ZNF136: variants seen among roughly 807,000 people sequenced by gnomAD.
ZNF136 encodes zinc finger protein 136, also known as zinc finger protein 136 (clone pHZ-20).
A neutral mutation model predicts 11.4 loss-of-function variants in ZNF136; 8 were observed. The observed-to-expected ratio is 0.70, with a 90% CI of 0.41 to 1.27. The LOEUF (loss-of-function observed/expected upper bound fraction) is 1.27, where lower values mean the gene tolerates loss of function less well. Ranked by LOEUF, ZNF136 falls within the 50% of genes most tolerant of loss-of-function variation. The pLI is 0.01. For synonymous variants in ZNF136, 190 were observed against 207.1 expected, an observed-to-expected ratio of 0.92 and a Z score of 0.71; for missense variants, 590 against 656.5, an observed-to-expected ratio of 0.90 and a Z score of 1.11.
At chr19:12,178,937 C>T (rs542588816) in intron 1 of ZNF136, among the ~76,000 whole-genome samples, 10 of 150,598 alleles carry the variant, frequency 6.6e-5, no homozygotes, top group South Asian at 2.1e-4. Context: ...TGCAGTGAGC[C>T]GAGATCATGC....
chr19:12,164,186 C>A (rs1977152408), intron 1 of ZNF136, among the ~76,000 whole-genome samples: 1 of 152,182 alleles, frequency 6.6e-6, no homozygotes. Context: ...GGGCACTCAG[C>A]TTTTCCTCCC....
At chr19:12,173,381 T>C (rs1914708826) in intron 1 of ZNF136, among the ~76,000 whole-genome samples, 1 of 152,178 alleles carries the variant, frequency 6.6e-6, no homozygotes. Context: ...AACGCCATGC[T>C]TTTATCATTC....
intron 1 of ZNF136, among the ~76,000 whole-genome samples, chr19:12,174,171 C>G (rs1408921722): frequency 6.6e-6 from 1 of 152,180 alleles, no homozygotes; most frequent in Non-Finnish European, 1.5e-5. Flanking sequence ...TCCCAAAGTG[C>G]TGAGATTACA....
At position 12,186,190 on chromosome 19, in the gene ZNF136, A is replaced by C. The variant is rs763141218; in HGVS notation, c.191+16A>C. On this transcript the variant is annotated intron_variant, in intron 3 of 3. Coordinates refer to ENST00000343979, the MANE Select transcript of ZNF136 (RefSeq NM_003437.5). ...GAAATCTAAGGTAATTTGTACTCAGAGAAAGCAAATTCACTTGAAAGTACC... is the reference window on the plus strand; with the variant it reads ...GAAATCTAAGGTAATTTGTACTCAGCGAAAGCAAATTCACTTGAAAGTACC... 3.7e-6 allele frequency: 6 copies of C among 1,603,228 alleles called. No homozygotes were observed. The highest frequency in any genetic ancestry group is 1.3e-5 in the African/African-American group (1 of 74,492).
At chr19:12,185,713 A>G in intron 1 of ZNF136, 72 bp from the exon 2 acceptor site, 4 of 1,550,882 alleles carry the variant, frequency 2.6e-6, no homozygotes, top group East Asian at 2.3e-5. Context: ...TGAACTTCTT[A>G]TGAATTGAGT....
Position 12,188,187 on chromosome 19 carries a change from C to T in ZNF136, c.*186C>T. On this transcript the variant is annotated 3_prime_UTR_variant, in exon 4 of 4. Coordinates refer to ENST00000343979, the MANE Select transcript of ZNF136 (RefSeq NM_003437.5). The stretch of plus-strand genomic sequence containing the variant: ...CAATCATTTTAGTTCCTTTCAAATA[C>T]ATGAAAGAACTCATCATGGAGAAAA... The T allele has an allele frequency of 6.6e-6, 3 of 456,184 alleles. No individual in the cohort carries two copies. Among genetic ancestry groups the T allele is most frequent in the Non-Finnish European group, 7.4e-6 (2 of 268,778 alleles). 28.3% of individuals were successfully genotyped at this position (456,184 alleles called of 1,614,324 possible). A position where few individuals can be genotyped will look rare whatever the true frequency, so the allele number is the denominator to read the frequency against.
In ZNF136 at chr19:12,183,569, AT is replaced by A. The variant is rs1419281090; in HGVS notation, c.4-2215del. ...ACTGAATCTATCTATCTATCTATCT[AT>A]CTATCTATCTATCTATCTATCTATC... On this transcript the variant is annotated intron_variant, in intron 1 of 3. Coordinates refer to ENST00000343979, the MANE Select transcript of ZNF136 (RefSeq NM_003437.5). 2.4e-3 allele frequency among the ~76,000 whole-genome samples: 358 copies of A among 151,248 alleles called. 2 individuals are homozygous for A. The highest frequency in any genetic ancestry group is 3.0e-3 in the Non-Finnish European group (205 of 67,804).
At chr19:12,169,271 T>C (rs1022544493) in intron 1 of ZNF136, 1 of 152,172 alleles carries the variant, frequency 6.6e-6, no homozygotes, top group Non-Finnish European at 1.5e-5. Flanking sequence ...TCTCCACATA[T>C]TTGTTGTCAG....
chr19:12,187,149 T>TG lies in ZNF136; in HGVS notation c.774dup (p.Lys259GlufsTer13). ...ATGGACCTTATAAATGTAAGGTATGTGGGAAACCCTTTCATTCTCTGAGTT... is the reference window on the plus strand; with the variant it reads ...ATGGACCTTATAAATGTAAGGTATGTGGGGAAACCCTTTCATTCTCTGAGTT... On this transcript the variant is annotated frameshift_variant, in exon 4 of 4. Coordinates refer to ENST00000343979, the MANE Select transcript of ZNF136 (RefSeq NM_003437.5). LOFTEE classifies it low-confidence loss of function (END_TRUNC). The TG allele has an allele frequency of 6.2e-7, 1 of 1,614,142 alleles. No homozygotes were observed. Among genetic ancestry groups the TG allele is most frequent in the Non-Finnish European group, 8.5e-7 (1 of 1,180,022 alleles).
chr19:12,169,379 A>C (rs1038400364), intron 1 of ZNF136: 2 of 152,220 alleles, frequency 1.3e-5, no homozygotes, highest in African/African-American at 4.8e-5. Context: ...CACACTGAGA[A>C]GGGGACAGTA....
intron 1 of ZNF136, chr19:12,169,325 G>A (rs983350035): frequency 5.3e-5 from 8 of 152,326 alleles, no homozygotes; most frequent in Admixed American, 3.9e-4. Context: ...GACTTGGTGA[G>A]TGGTTGCTGG....
At chr19:12,178,187 T>G (rs1390568826) in intron 1 of ZNF136, among the ~76,000 whole-genome samples, 1 of 152,250 alleles carries the variant, frequency 6.6e-6, no homozygotes, top group Non-Finnish European at 1.5e-5. Flanking sequence ...ATATTTTGGA[T>G]TTTAACACCT....
intron 1 of ZNF136, among the ~76,000 whole-genome samples, chr19:12,180,041 T>C (rs1283206089): frequency 1.3e-5 from 2 of 152,058 alleles, no homozygotes; most frequent in Non-Finnish European, 2.9e-5. Flanking sequence ...AATTTTTTTG[T>C]AATTTTAGTA....
At chr19:12,182,707 G>T (rs190151901) in intron 1 of ZNF136, among the ~76,000 whole-genome samples, 276 of 152,272 alleles carry the variant, frequency 1.8e-3, no homozygotes, top group Non-Finnish European at 3.0e-3. Flanking sequence ...ACCCACCTCT[G>T]CCAGGTTATG....
chr19:12,180,244 C>T lies in ZNF136; in HGVS notation c.4-5541C>T, dbSNP rs1455854463. On this transcript the variant is annotated intron_variant, in intron 1 of 3. Coordinates refer to ENST00000343979, the MANE Select transcript of ZNF136 (RefSeq NM_003437.5). ...TCTAGGAAAGTTGTCAGAATATAAA[C>T]CTAGCAAGGGACAGAGACATGATCA... Among the ~76,000 whole-genome samples, 4 of 152,300 alleles carry T rather than the reference C, an allele frequency of 2.6e-5. No individual in the cohort carries two copies. The Middle Eastern group carries it at 0.01, about 391-fold the overall frequency.
rs149661895 is a variant in ZNF136 at position 12,181,829 on chromosome 19, G to T, written c.4-3956G>T. ...TCTTTGTATTTTTAGTAGAGACAGGGTTTCACCATATTAGCCAGGATGGTT... is the reference window on the plus strand; with the variant it reads ...TCTTTGTATTTTTAGTAGAGACAGGTTTTCACCATATTAGCCAGGATGGTT... On this transcript the variant is annotated intron_variant, in intron 1 of 3. Coordinates refer to ENST00000343979, the MANE Select transcript of ZNF136 (RefSeq NM_003437.5). 2.0e-4 allele frequency among the ~76,000 whole-genome samples: 30 copies of T among 152,204 alleles called. 2 individuals are homozygous for T. In the East Asian group the frequency reaches 4.2e-3, roughly 22 times the overall value.
chr19:12,181,183 ATGGGAAATGGCGAGTG>A (rs1180823351), intron 1 of ZNF136, among the ~76,000 whole-genome samples: 2 of 152,190 alleles, frequency 1.3e-5, no homozygotes, highest in Non-Finnish European at 2.9e-5. Flanking sequence ...GACCCCGAAG[ATGGGAAATGGCGAGTG>A]TGGGAAATGG....
chr19:12,187,483 T>C lies in ZNF136; in HGVS notation c.1105T>C (p.Cys369Arg), dbSNP rs1266887431. Residue 369 changes from cysteine to arginine, a missense_variant, in exon 4 of 4, where the codon TGT becomes CGT. Coordinates refer to ENST00000343979, the MANE Select transcript of ZNF136 (RefSeq NM_003437.5). ...AGAAAAACCTTATGAATGTAAGGAA[T>C]GTGGGGAAGCATTCAGTTGTATCCC... is the stretch of plus-strand genomic sequence containing the variant. ...TGEKPYECKECGEAFSCIPSM... is the reference protein window; with the variant it reads ...TGEKPYECKERGEAFSCIPSM... The C allele has an allele frequency of 6.2e-7, 1 of 1,613,786 alleles. No homozygotes were observed. Among genetic ancestry groups the C allele is most frequent in the Non-Finnish European group, 8.5e-7 (1 of 1,179,944 alleles).
At chr19:12,169,834 C>G (rs866870400) in intron 1 of ZNF136, among the ~76,000 whole-genome samples, 1 of 149,252 alleles carries the variant, frequency 6.7e-6, no homozygotes, top group Non-Finnish European at 1.5e-5. Context: ...TCTCTCTGTC[C>G]CCCAGGCTGG....
Sources: allele counts gnomAD v4.1 joint callset (sites outside exome capture counted in the v4.1 genomes callset), GRCh38; gene constraint gnomAD v4.1.1; transcripts MANE v1.5; gene names NCBI Gene and HGNC (gene_info 2026-07-23, HGNC 2026-07-21).